Variants in ITIH5 observed in about 807,000 individuals in gnomAD.
ITIH5 encodes the protein inter-alpha-trypsin inhibitor heavy chain 5, also known as inter-alpha-trypsin inhibitor heavy chain H5.
A neutral mutation model predicts 77.5 loss-of-function variants in ITIH5; 65 were observed. The observed-to-expected ratio is 0.84, with a 90% CI of 0.69 to 1.03. The LOEUF is 1.03. ITIH5 is among the 50% of genes least tolerant of loss of function. The pLI is 0.00. For synonymous variants in ITIH5, 525 were observed against 494.3 expected (o/e 1.06, Z -0.82); for missense variants, 1,208 against 1,213.1 (o/e 1.00, Z 0.06).
At chr10:7,585,296 C>G (rs1459365322) in intron 8 of ITIH5, among the ~76,000 whole-genome samples, 1 of 152,204 alleles carries the variant, frequency 6.6e-6, no homozygotes, top group Non-Finnish European at 1.5e-5. Context: ...TGCTCTGATT[C>G]TCCACTCTTC....
At chr10:7,565,590 A>G (rs1832133899) in intron 13 of ITIH5, among the ~76,000 whole-genome samples, 1 of 148,934 alleles carries the variant, frequency 6.7e-6, no homozygotes, top group African/African-American at 2.4e-5. Flanking sequence ...ATACATATAT[A>G]CATGTATATT....
At chr10:7,580,317 A>G (rs1832524470) in intron 8 of ITIH5, among the ~76,000 whole-genome samples, 1 of 152,062 alleles carries the variant, frequency 6.6e-6, no homozygotes, top group African/African-American at 2.4e-5. Context: ...GATGGGATTG[A>G]CCATGTTGGC....
chr10:7,596,557 T>A (rs950501361), intron 7 of ITIH5, among the ~76,000 whole-genome samples: 5 of 152,176 alleles, frequency 3.3e-5, no homozygotes, highest in African/African-American at 1.2e-4. Context: ...CACAGATGAA[T>A]CCAAGTTCAA....
At chr10:7,608,843 C>T (rs146802766) in intron 7 of ITIH5, among the ~76,000 whole-genome samples, 3 of 152,316 alleles carry the variant, frequency 2.0e-5, no homozygotes, top group African/African-American at 4.8e-5. Context: ...AATAATTCTA[C>T]GAATCAAAGC....
intron 7 of ITIH5, among the ~76,000 whole-genome samples, chr10:7,614,319 G>T (rs1396233990): frequency 6.6e-6 from 1 of 152,132 alleles, no homozygotes; most frequent in East Asian, 1.9e-4. Context: ...ACAGAGCAAG[G>T]TTATTTTCCC....
At chr10:7,601,318 G>A (rs1405121797) in intron 7 of ITIH5, among the ~76,000 whole-genome samples, 1 of 152,164 alleles carries the variant, frequency 6.6e-6, no homozygotes, top group South Asian at 2.1e-4. Context: ...AGCCCAGGGG[G>A]GTTCTTGGAG....
chr10:7,588,768 C>G (rs1339114199), intron 7 of ITIH5, among the ~76,000 whole-genome samples: 1 of 152,250 alleles, frequency 6.6e-6, no homozygotes, highest in Non-Finnish European at 1.5e-5. Flanking sequence ...GCTTCCTACT[C>G]CCTAGGCATA....
At chr10:7,641,684 G>GGCAGGGAA (rs1833890434) in intron 3 of ITIH5, among the ~76,000 whole-genome samples, 4 of 22,070 alleles carry the variant, frequency 1.8e-4, no homozygotes, top group African/African-American at 4.2e-4. Context: ...CAGGGAAGGA[G>GGCAGGGAA]GGAGGGAGGG....
At chr10:7,649,885 C>T (rs183336978) in intron 2 of ITIH5, among the ~76,000 whole-genome samples, 1 of 152,342 alleles carries the variant, frequency 6.6e-6, no homozygotes, top group East Asian at 1.9e-4. Flanking sequence ...AAACAGTGGC[C>T]TCACTTTTTC....
Position 7,560,134 on chromosome 10 carries a change from G to A in ITIH5, c.*2949C>T. The A allele has an allele frequency of 8.3e-6, 2 of 239,756 alleles. No homozygotes were observed. The highest frequency in any genetic ancestry group is 1.1e-4 in the South Asian group (2 of 17,940). 14.9% of individuals were successfully genotyped at this position (239,756 alleles called of 1,614,324 possible). On this transcript the variant is annotated 3_prime_UTR_variant, in exon 14 of 14. Transcript: ENST00000397146. ...CAAAATGTTGGGATTACAGGTGTGA[G>A]CCACTGCACCTGGCCCCATGTCTCT...
At chr10:7,590,670 T>C (rs1051929988) in intron 7 of ITIH5, among the ~76,000 whole-genome samples, 23 of 152,344 alleles carry the variant, frequency 1.5e-4, no homozygotes, top group African/African-American at 5.5e-4. Flanking sequence ...TGTCTTAATA[T>C]TTTGCAATAT....
chr10:7,613,826 T>C (rs954323422), intron 7 of ITIH5, among the ~76,000 whole-genome samples: 1 of 152,200 alleles, frequency 6.6e-6, no homozygotes, highest in African/African-American at 2.4e-5. Context: ...ATCTACACTG[T>C]GTGCAAAGCA....
intron 7 of ITIH5, among the ~76,000 whole-genome samples, chr10:7,591,672 T>C (rs1832795872): frequency 6.6e-6 from 1 of 152,062 alleles, no homozygotes; most frequent in South Asian, 2.1e-4. Flanking sequence ...CCTGCAATCC[T>C]GGGTTTACAC....
intron 12 of ITIH5, chr10:7,569,044 CT>C (rs1832245486): frequency 4.1e-5 from 3 of 72,632 alleles, no homozygotes; most frequent in African/African-American, 1.6e-4. Flanking sequence ...GAGATAGAGT[CT>C]TGCTCTTTTC....
At chr10:7,631,873 G>A (rs1383027696) in intron 5 of ITIH5, among the ~76,000 whole-genome samples, 3 of 151,130 alleles carry the variant, frequency 2.0e-5, no homozygotes, top group East Asian at 3.9e-4. Flanking sequence ...TGCAGCCTCC[G>A]CCTCCCGGGT....
intron 8 of ITIH5, among the ~76,000 whole-genome samples, chr10:7,580,731 C>G (rs11594148): frequency 6.6e-6 from 1 of 152,002 alleles, no homozygotes; most frequent in South Asian, 2.1e-4. Flanking sequence ...GGGCATGGAA[C>G]GAAGAGGAGG....
chr10:7,567,319 T>TTTATTATTATTA (rs59350117), intron 12 of ITIH5, among the ~76,000 whole-genome samples: 11,770 of 139,332 alleles, frequency 0.084, 559 homozygotes, highest in East Asian at 0.13. Flanking sequence ...TCGGACATCT[T>TTTATTATTATTA]TTATTATTAT....
rs1193547645 is a variant in ITIH5, at chr10:7,562,339, T to A, written c.*744A>T. 1 of 152,194 alleles carries A rather than the reference T, an allele frequency of 6.6e-6. No homozygotes were observed. The highest frequency in any genetic ancestry group is 1.5e-5 in the Non-Finnish European group (1 of 68,062). The allele number at this position is 152,194 out of a possible 1,614,324, so 9.4% of individuals were successfully genotyped here. A position where few individuals can be genotyped will look rare whatever the true frequency, so the allele number is the denominator to read the frequency against. On this transcript the variant is annotated 3_prime_UTR_variant, in exon 14 of 14. Transcript: ENST00000397146. ...TGTGTATGAAAAGCCCTTAGCTTAT[T>A]GGAACAAATTGGAGAATAGCCATTA... is the stretch of plus-strand genomic sequence containing the variant.
intron 2 of ITIH5, among the ~76,000 whole-genome samples, chr10:7,650,425 G>A (rs1341574860): frequency 6.6e-6 from 1 of 152,134 alleles, no homozygotes; most frequent in African/African-American, 2.4e-5. Flanking sequence ...AACCCTTAAT[G>A]CTTCTCCTTT....
Sources: allele counts gnomAD v4.1 joint callset (sites outside exome capture counted in the v4.1 genomes callset), GRCh38; gene constraint gnomAD v4.1.1; transcripts MANE v1.5; gene names NCBI Gene and HGNC (gene_info 2026-07-23, HGNC 2026-07-21).